Variants in ULK4 observed in about 807,000 individuals in gnomAD.
The protein encoded by ULK4 is unc-51 like kinase 4, also known as inactive serine/threonine-protein kinase ULK4.
ULK4 carries 133 observed loss-of-function variants against 160.6 expected under a neutral mutation model. That is an observed-to-expected ratio of 0.83 (90% CI 0.72 to 0.96). The LOEUF (loss-of-function observed/expected upper bound fraction) is 0.96. Ranked by LOEUF, ULK4 falls within the 40% of genes least tolerant of loss-of-function variation. The probability of loss-of-function intolerance (pLI) is 0.00; values close to 1 mark genes in which losing one functional copy is unlikely to be tolerated. For missense variants in ULK4, 1,580 were observed against 1,499.5 expected (o/e 1.05, Z -0.89); for synonymous variants, 534 against 539.8 (o/e 0.99, Z 0.15).
chr3:41,682,190 A>C (rs2035945728), intron 27 of ULK4, among the ~76,000 whole-genome samples: 1 of 152,192 alleles, frequency 6.6e-6, no homozygotes, highest in South Asian at 2.1e-4. Flanking sequence ...TGGGAAAAAA[A>C]AGACACAATA....
chr3:41,742,965 G>C lies in ULK4; in HGVS notation c.2321+11396C>G, dbSNP rs150472847. Among the ~76,000 whole-genome samples, 394 of 151,706 alleles carry C rather than the reference G, an allele frequency of 2.6e-3. 4 individuals are homozygous for C. Among genetic ancestry groups the C allele is most frequent in the Middle Eastern group, 0.024 (7 of 294 alleles). ...CAAAAGAAAAAAAATAGAGTCTCAG[G>C]GATCAGTAGGAGAATAACAAAATAA... On this transcript the variant is annotated intron_variant, in intron 22 of 36. Transcript: ENST00000301831.
chr3:41,816,674 T>C (rs914093467), intron 19 of ULK4, among the ~76,000 whole-genome samples: 1 of 151,942 alleles, frequency 6.6e-6, no homozygotes, highest in African/African-American at 2.4e-5. Flanking sequence ...TAGCCAGGCA[T>C]AGTAGTATGC....
At chr3:41,815,459 T>C (rs558862578) in intron 19 of ULK4, among the ~76,000 whole-genome samples, 1 of 150,560 alleles carries the variant, frequency 6.6e-6, no homozygotes, top group Admixed American at 6.6e-5. Context: ...CAATGAAATA[T>C]ACGATTTCAC....
At chr3:41,781,093 A>T (rs539112579) in intron 21 of ULK4, among the ~76,000 whole-genome samples, 1 of 152,306 alleles carries the variant, frequency 6.6e-6, no homozygotes, top group Admixed American at 6.5e-5. Flanking sequence ...TTCTCTATAC[A>T]TACAGAGAGA....
At position 41,254,497 on chromosome 3, in the gene ULK4, C is replaced by T. The variant is rs1575357035; in HGVS notation, c.3679-4923G>A. Among the ~76,000 whole-genome samples, 3 of 152,260 alleles carry T rather than the reference C, an allele frequency of 2.0e-5. No individual in the cohort carries two copies. In the East Asian group the frequency reaches 5.8e-4, roughly 29 times the overall value. On this transcript the variant is annotated intron_variant, in intron 35 of 36. Coordinates refer to ENST00000301831, the MANE Select transcript of ULK4 (RefSeq NM_017886.4). ...CATCTGGAAGGGGGCTAAAGCAATG[C>T]TTAGAGGGAAATCTATAGTACTAAA...
intron 35 of ULK4, among the ~76,000 whole-genome samples, chr3:41,339,275 GC>G (rs1177017089): frequency 3.9e-5 from 6 of 152,124 alleles, no homozygotes; most frequent in Non-Finnish European, 8.8e-5. Flanking sequence ...ACTGCGCTCA[GC>G]CTACCAGTTG....
At chr3:41,311,122 T>C (rs917815200) in intron 35 of ULK4, among the ~76,000 whole-genome samples, 4 of 152,200 alleles carry the variant, frequency 2.6e-5, no homozygotes, top group Non-Finnish European at 5.9e-5. Context: ...CTCAGGTATT[T>C]TGCCAAACGT....
At chr3:41,650,989 T>C (rs1054656365) in intron 30 of ULK4, among the ~76,000 whole-genome samples, 1 of 152,210 alleles carries the variant, frequency 6.6e-6, no homozygotes, top group Non-Finnish European at 1.5e-5. Context: ...CTCTCTCTTT[T>C]TCAGCTCTCC....
chr3:41,248,774 C>T lies in ULK4; in HGVS notation c.3764+715G>A, dbSNP rs377201845. Among the ~76,000 whole-genome samples the T allele has an allele frequency of 6.0e-4, 92 of 152,356 alleles. 1 individual carries two copies. The highest frequency in any genetic ancestry group is 6.8e-3 in the Middle Eastern group (2 of 294). Reference sequence around the variant, plus strand: ...CTCCCCAGGGTGGGGAAATGTTCCACTGAGCATCAGCGTCTCTGTGGGGCT... The same window carrying T: ...CTCCCCAGGGTGGGGAAATGTTCCATTGAGCATCAGCGTCTCTGTGGGGCT... On this transcript the variant is annotated intron_variant, in intron 36 of 36. Coordinates refer to ENST00000301831, the MANE Select transcript of ULK4 (RefSeq NM_017886.4).
At chr3:41,503,996 A>G (rs532884649) in intron 32 of ULK4, among the ~76,000 whole-genome samples, 2 of 152,096 alleles carry the variant, frequency 1.3e-5, no homozygotes, top group Non-Finnish European at 2.9e-5. Flanking sequence ...AAAACAAAGC[A>G]AACAAAACAA....
chr3:41,825,276 C>A (rs1212252473), intron 18 of ULK4, among the ~76,000 whole-genome samples: 7 of 152,206 alleles, frequency 4.6e-5, no homozygotes, highest in Admixed American at 4.6e-4. Flanking sequence ...CAAAGGAATG[C>A]AGCTCCTCAC....
chr3:41,463,528 A>G (rs1274215860), intron 32 of ULK4, among the ~76,000 whole-genome samples: 1 of 152,114 alleles, frequency 6.6e-6, no homozygotes, highest in African/African-American at 2.4e-5. Context: ...ACCATCCTAC[A>G]TGGGCAGGCT....
In ULK4 at chr3:41,439,565, C is replaced by T. The variant is rs140928702; in HGVS notation, c.3492+15932G>A. 7.9e-4 allele frequency among the ~76,000 whole-genome samples: 120 copies of T among 152,260 alleles called. 1 individual carries two copies. Among genetic ancestry groups the T allele is most frequent in the African/African-American group, 2.7e-3 (114 of 41,546 alleles). On this transcript the variant is annotated intron_variant, in intron 34 of 36. Transcript: ENST00000301831. ...AGTACAAAGTATACAACAATCAAGA[C>T]AGTGAACATAACCATCACCATTATA...
chr3:41,339,466 T>C (rs1389583925), intron 35 of ULK4, among the ~76,000 whole-genome samples: 1 of 152,172 alleles, frequency 6.6e-6, no homozygotes, highest in Non-Finnish European at 1.5e-5. Flanking sequence ...ACCCTCCACA[T>C]GTCCCTGCTA....
chr3:41,792,071 T>C (rs1472944810), intron 20 of ULK4, among the ~76,000 whole-genome samples: 4 of 152,218 alleles, frequency 2.6e-5, no homozygotes, highest in Non-Finnish European at 4.4e-5. Context: ...GTAAATCAGA[T>C]ACCATGGTTT....
chr3:41,550,828 T>C (rs937821281), intron 32 of ULK4, among the ~76,000 whole-genome samples: 1 of 152,040 alleles, frequency 6.6e-6, no homozygotes, highest in Non-Finnish European at 1.5e-5. Flanking sequence ...AACTGCAGAA[T>C]ATATGTTCTT....
intron 19 of ULK4, among the ~76,000 whole-genome samples, chr3:41,818,153 A>G (rs912382915): frequency 2.0e-5 from 3 of 151,776 alleles, no homozygotes; most frequent in African/African-American, 7.3e-5. Context: ...TAGAGCTACC[A>G]TATGATCCAG....
chr3:41,557,193 T>C (rs11926684), intron 32 of ULK4, among the ~76,000 whole-genome samples: 75,002 of 151,526 alleles, frequency 0.49, 18,728 homozygotes, highest in Middle Eastern at 0.59. Flanking sequence ...ACAAAAGAAA[T>C]AAAAATAAAA....
At chr3:41,369,353 G>A (rs377400025) in intron 35 of ULK4, among the ~76,000 whole-genome samples, 1 of 152,118 alleles carries the variant, frequency 6.6e-6, no homozygotes, top group East Asian at 1.9e-4. Flanking sequence ...AATTAGCCAG[G>A]TGTGGTGGCA....
Sources: allele counts gnomAD v4.1 joint callset (sites outside exome capture counted in the v4.1 genomes callset), GRCh38; gene constraint gnomAD v4.1.1; transcripts MANE v1.5; gene names NCBI Gene and HGNC (gene_info 2026-07-23, HGNC 2026-07-21).